The following BRF1 variants were observed in gnomAD, a reference collection of about 807,000 sequenced individuals.
BRF1 encodes BRF1 general transcription factor IIIB subunit.
A neutral mutation model predicts 81.7 loss-of-function variants in BRF1; 59 were observed. The ratio of observed to expected loss-of-function variants is 0.72; its 90% CI spans 0.59 to 0.90. The LOEUF is 0.90. BRF1 is among the 40% of genes least tolerant of loss of function. The pLI, the probability that BRF1 is intolerant of heterozygous loss-of-function variation, is 0.00. For synonymous variants in BRF1, 491 were observed against 395.6 expected (o/e 1.24, Z -2.86); for missense variants, 1,050 against 936.3 (o/e 1.12, Z -1.58).
rs774447444 is a variant in BRF1 at position 105,241,277 on chromosome 14, G to C, written c.682C>G (p.Leu228Val). The C allele has an allele frequency of 6.2e-7, 1 of 1,611,896 alleles. No homozygotes were observed. The highest frequency in any genetic ancestry group is 1.1e-5 in the South Asian group (1 of 91,074). The change falls in exon 6 of 18, where the codon CTC (leucine) becomes GTC (valine). Residue 228 changes from leucine to valine, a missense_variant. Around this residue, in one of 2 missense-constraint regions of BRF1, gnomAD observed 1,043 missense variants for 915.4 expected, o/e 1.14. Coordinates refer to ENST00000547530, the MANE Select transcript of BRF1 (RefSeq NM_001519.4). ...WMHTGRRPSG[L>V]CGAALLVAAR... ...GGGCCCGCTGTACCTGCTCCGCAGA[G>C]GCCCGAGGGGCGCCGGCCTGTGTGC...
At chr14:105,263,143 AG>A (rs2056233145) in intron 3 of BRF1, among the ~76,000 whole-genome samples, 1 of 151,004 alleles carries the variant, frequency 6.6e-6, no homozygotes, top group African/African-American at 2.4e-5. Context: ...AGGCTGAGGC[AG>A]GAGAATCGCT....
At chr14:105,256,636 C>T in intron 3 of BRF1, 87 bp from the exon 4 acceptor site, 1 of 1,558,306 alleles carries the variant, frequency 6.4e-7, no homozygotes, top group Non-Finnish European at 8.7e-7. Context: ...CAGGACTGCA[C>T]CTGCAGGGAG....
Position 105,209,883 on chromosome 14 carries a change from G to C in BRF1, c.*668C>G, listed in dbSNP as rs1889880032. The C allele has an allele frequency of 2.3e-6, 1 of 433,372 alleles. No individual in the cohort carries two copies. 26.8% of individuals were successfully genotyped at this position (433,372 alleles called of 1,614,324 possible). On this transcript the variant is annotated 3_prime_UTR_variant, in exon 18 of 18. Transcript: ENST00000547530. ...CCTGGAGCAGGGGTCTGACCCCCAT[G>C]CTGCTCCAGGCGGTGCAGGCAGCGG...
chr14:105,211,609 T>TGTGGCCTCAGCCCCCGGGGGC, intron 16 of BRF1: 1 of 391,292 alleles, frequency 2.6e-6, no homozygotes, highest in South Asian at 3.7e-5. Flanking sequence ...CCGAGGACAC[T>TGTGGCCTCAGCCCCCGGGGGC]GTGGCCTCAG....
rs916098941 is a variant in BRF1, at chr14:105,271,666, G to T, written c.439+1055C>A. Among the ~76,000 whole-genome samples, 1 of 152,230 alleles carries T rather than the reference G, an allele frequency of 6.6e-6. No homozygotes were observed. Among genetic ancestry groups the T allele is most frequent in the African/African-American group, 2.4e-5 (1 of 41,464 alleles). On this transcript the variant is annotated intron_variant, in intron 3 of 17. Coordinates refer to ENST00000547530, the MANE Select transcript of BRF1 (RefSeq NM_001519.4). This position sits in a 1 kb window ranked among gnomAD's most constrained non-coding sequence, Gnocchi z 5.5. Reference sequence around the variant, plus strand: ...GACAGCACAGCACAGAGCAGAGGAGGCTGGAAGGCTCTGGGCTCCCTGTCA... The same window carrying T: ...GACAGCACAGCACAGAGCAGAGGAGTCTGGAAGGCTCTGGGCTCCCTGTCA...
intron 2 of BRF1, among the ~76,000 whole-genome samples, chr14:105,285,433 A>G (rs1470747291): frequency 1.3e-5 from 2 of 152,260 alleles, no homozygotes; most frequent in Non-Finnish European, 2.9e-5. Flanking sequence ...TTTTCAACAC[A>G]TGGTCCTGAG....
chr14:105,216,377 C>T (rs1341210102), intron 15 of BRF1, among the ~76,000 whole-genome samples: 4 of 152,174 alleles, frequency 2.6e-5, no homozygotes, highest in African/African-American at 9.7e-5. Context: ...ACAGGGGAAC[C>T]GAGCCACAGA....
chr14:105,278,903 G>A (rs1327313349), intron 2 of BRF1, among the ~76,000 whole-genome samples: 2 of 152,142 alleles, frequency 1.3e-5, no homozygotes, highest in African/African-American at 4.8e-5. Flanking sequence ...TATTAGCCGG[G>A]CATGGTGGTG....
chr14:105,241,624 C>G (rs942035100), intron 5 of BRF1: 10 of 642,248 alleles, frequency 1.6e-5, no homozygotes, highest in Non-Finnish European at 2.4e-5. Flanking sequence ...CCACCTGCTG[C>G]CAGCCAGCCT....
chr14:105,217,524 C>T lies in BRF1; in HGVS notation c.1772+20G>A, dbSNP rs775405736. 1.9e-5 allele frequency: 30 copies of T among 1,601,822 alleles called. No individual in the cohort carries two copies. In the African/African-American group the frequency reaches 3.6e-4, roughly 19 times the overall value. The stretch of plus-strand genomic sequence containing the variant: ...CCCTGGGCTGCTGCCCTAACCCAGC[C>T]ACTCAGGACAGGATGGTACCTTTTC... On this transcript the variant is annotated intron_variant, in intron 15 of 17. Coordinates refer to ENST00000547530, the MANE Select transcript of BRF1 (RefSeq NM_001519.4).
chr14:105,304,109 A>AGTACAGGACAGTCAGGCT (rs1215878507), upstream of BRF1, among the ~76,000 whole-genome samples: 1 of 152,242 alleles, frequency 6.6e-6, no homozygotes, highest in Non-Finnish European at 1.5e-5. Flanking sequence ...ACAGTCAGGC[A>AGTACAGGACAGTCAGGCT]GTACAGGACA....
chr14:105,269,390 T>C lies in BRF1; in HGVS notation c.439+3331A>G, dbSNP rs2056562304. 6.6e-6 allele frequency among the ~76,000 whole-genome samples: 1 copy of C among 152,126 alleles called. No homozygotes were observed. On this transcript the variant is annotated intron_variant, in intron 3 of 17. Coordinates refer to ENST00000547530, the MANE Select transcript of BRF1 (RefSeq NM_001519.4). This position sits in a 1 kb window ranked among gnomAD's most constrained non-coding sequence, Gnocchi z 5.0. ...GTCCTGTTCCAAGCTGTCTTGTCCT[T>C]AGCAGCTTTATAAGGTACAAGTTTG...
intron 3 of BRF1, among the ~76,000 whole-genome samples, chr14:105,272,299 T>C (rs587720235): frequency 5.3e-5 from 8 of 152,286 alleles, no homozygotes; most frequent in African/African-American, 1.9e-4. Context: ...ACAGTCACGG[T>C]GTCCACAGCT....
At chr14:105,212,826 T>C (rs1003433907) in intron 15 of BRF1, 3 of 151,962 alleles carry the variant, frequency 2.0e-5, no homozygotes, top group Non-Finnish European at 4.4e-5. Flanking sequence ...GGCACAGCTG[T>C]GTGGGGAGGC....
chr14:105,311,873 C>T (rs2140706613), intron 1 of BRF1, among the ~76,000 whole-genome samples: 1 of 152,350 alleles, frequency 6.6e-6, no homozygotes, highest in East Asian at 1.9e-4. Flanking sequence ...GTGCTCCAAC[C>T]ATGGGAGTGG....
intron 10 of BRF1, among the ~76,000 whole-genome samples, chr14:105,223,934 T>C (rs7151580): frequency 0.06 from 9,210 of 152,280 alleles, 945 homozygotes; most frequent in African/African-American, 0.21. Context: ...TTGCCACAAG[T>C]AGCTCTAAAC....
rs145821978 is a variant in BRF1 at position 105,313,711 on chromosome 14, A to G, written c.-162+1611T>C. Among the ~76,000 whole-genome samples the G allele has an allele frequency of 2.1e-3, 326 of 152,380 alleles. 1 individual carries two copies. The highest frequency in any genetic ancestry group is 0.014 in the Admixed American group (215 of 15,310). On this transcript the variant is annotated intron_variant, in intron 1 of 17. Coordinates refer to the BRF1 transcript ENST00000327359. ...TTTGTTTCAGTAAAACTACTTGTAGACAAGACACAGGGCGAAGAGAAAAGC... is the reference window on the plus strand; with the variant it reads ...TTTGTTTCAGTAAAACTACTTGTAGGCAAGACACAGGGCGAAGAGAAAAGC...
chr14:105,248,845 CTG>C (rs2140279066), intron 5 of BRF1: 1 of 990,654 alleles, frequency 1.0e-6, no homozygotes, highest in East Asian at 1.1e-4. Flanking sequence ...GGCGCCGAGG[CTG>C]CCCCCGCCGC....
At chr14:105,302,336 T>G (rs2058064122), upstream of BRF1, among the ~76,000 whole-genome samples, 1 of 151,358 alleles carries the variant, frequency 6.6e-6, no homozygotes, top group Non-Finnish European at 1.5e-5. Flanking sequence ...CCCGAGTAGC[T>G]GGGATTACAG....
Sources: allele counts gnomAD v4.1 joint callset (sites outside exome capture counted in the v4.1 genomes callset), GRCh38; gene constraint gnomAD v4.1.1; regional missense constraint gnomAD v4.1.1; non-coding constraint Gnocchi (gnomAD v3.1); transcripts MANE v1.5; gene names NCBI Gene and HGNC (gene_info 2026-07-23, HGNC 2026-07-21).